The following LRCH1 variants were observed in gnomAD, a reference collection of about 807,000 sequenced individuals.
LRCH1 encodes leucine rich repeats and calponin homology domain containing 1.
Under a neutral mutation model 94.9 loss-of-function variants are expected in LRCH1, and 23 were observed. The ratio of observed to expected loss-of-function variants is 0.24; its 90% CI spans 0.17 to 0.34. The LOEUF (loss-of-function observed/expected upper bound fraction) is 0.34. Among genes scored for constraint, LRCH1 ranks in the 10% least tolerant of loss-of-function variants. LRCH1 has a pLI of 1.00. For missense variants in LRCH1, 790 were observed against 945.9 expected (o/e 0.84, Z 2.16); for synonymous variants, 364 against 354.9 (o/e 1.03, Z -0.29).
rs1161436162 is a variant in LRCH1, at chr13:46,715,574, C to A, written c.1669C>A (p.Leu557Ile). The A allele has an allele frequency of 2.0e-6, 3 of 1,536,870 alleles. No individual in the cohort carries two copies. Among genetic ancestry groups the A allele is most frequent in the Non-Finnish European group, 2.6e-6 (3 of 1,146,474 alleles). Residue 557 changes from leucine (L) to isoleucine (I), a missense_variant, in exon 16 of 20, where the codon CTT (leucine) becomes ATT (isoleucine). Physicochemically the swap from Leu to Ile is conservative, Grantham distance 5 (BLOSUM62 2). Around this residue, in one of 3 missense-constraint regions of LRCH1, gnomAD observed 460 missense variants for 508.9 expected, o/e 0.90. Transcript: ENST00000389797. Reference protein sequence around the residue: ...LKPRSDPALILPPISFNTLTQ... With the variant: ...LKPRSDPALIIPPISFNTLTQ... Reference sequence around the variant, plus strand: ...CTCCCCTGCAGACCCAGCCCTCATTCTTCCTCCTATCTCCTTCAACACACT... The same window carrying A: ...CTCCCCTGCAGACCCAGCCCTCATTATTCCTCCTATCTCCTTCAACACACT...
intron 2 of LRCH1, among the ~76,000 whole-genome samples, chr13:46,657,495 CTTTTCTTTTTTTTTTTTTTTTTTTTTT>C (rs2051387422): frequency 1.2e-4 from 2 of 16,814 alleles, no homozygotes; most frequent in Non-Finnish European, 1.2e-4. Flanking sequence ...TTTTTCTTTT[CTTTTCTTTTTTTTTTTTTTTTTTTTTT>C]TTTTTTTTTT....
chr13:46,650,452 T>C (rs1310602270), intron 2 of LRCH1, 107 bp downstream of exon 2: 1 of 899,032 alleles, frequency 1.1e-6, no homozygotes, highest in African/African-American at 1.7e-5. Flanking sequence ...GATTTTTCTT[T>C]GATGTAGGTC....
intron 10 of LRCH1, among the ~76,000 whole-genome samples, chr13:46,700,835 C>G (rs527822272): frequency 3.3e-5 from 5 of 152,340 alleles, no homozygotes; most frequent in African/African-American, 9.6e-5. Context: ...AGCCTCTCAT[C>G]TAGGCCATTG....
chr13:46,577,341 A>G (rs1327158854), intron 1 of LRCH1, among the ~76,000 whole-genome samples: 1 of 151,928 alleles, frequency 6.6e-6, no homozygotes, highest in Non-Finnish European at 1.5e-5. Flanking sequence ...CAAGTGATCC[A>G]CCCACCTCGG....
In LRCH1 at chr13:46,694,089, T is replaced by TGGG. The variant is rs1190513325; in HGVS notation, c.1121-804_1121-803insGGG. ...ATATAACTGCCACTTTATTAATTCA[T>TGGG]ATAAAGTTAGTAATATTATACACTG... On this transcript the variant is annotated intron_variant, in intron 8 of 19. Transcript: ENST00000389797. 2.6e-5 allele frequency among the ~76,000 whole-genome samples: 4 copies of TGGG among 152,236 alleles called. No homozygotes were observed. The East Asian group carries it at 5.8e-4, about 22-fold the overall frequency.
intron 1 of LRCH1, among the ~76,000 whole-genome samples, chr13:46,572,488 C>G (rs2050251486): frequency 6.6e-6 from 1 of 152,130 alleles, no homozygotes; most frequent in South Asian, 2.1e-4. Context: ...AGTTGGAGAA[C>G]AGAGTGATCT....
intron 11 of LRCH1, among the ~76,000 whole-genome samples, chr13:46,704,768 T>C (rs1566238733): frequency 1.3e-5 from 2 of 152,098 alleles, no homozygotes; most frequent in Non-Finnish European, 2.9e-5. Flanking sequence ...CATAAAGTTC[T>C]AAAATAAAAT....
intron 1 of LRCH1, among the ~76,000 whole-genome samples, chr13:46,647,071 C>T (rs1169716678): frequency 6.6e-6 from 1 of 150,412 alleles, no homozygotes; most frequent in Non-Finnish European, 1.5e-5. Flanking sequence ...TGAGATCACA[C>T]CACTGCACTC....
At chr13:46,620,288 C>G (rs755249826) in intron 1 of LRCH1, among the ~76,000 whole-genome samples, 3 of 151,442 alleles carry the variant, frequency 2.0e-5, no homozygotes, top group East Asian at 1.9e-4. Context: ...TCACTCGAGC[C>G]GAGGAGCTGG....
chr13:46,558,389 A>C (rs2050089706), intron 1 of LRCH1, among the ~76,000 whole-genome samples: 1 of 151,778 alleles, frequency 6.6e-6, no homozygotes, highest in Non-Finnish European at 1.5e-5. Context: ...TTTAGATAGA[A>C]GTGCCTATGA....
At position 46,743,802 on chromosome 13, in the gene LRCH1, TCATGTAA is replaced by T; in HGVS notation, c.*1955_*1961del. ...TATCAATAAAAACTGAGTAGGACAC[TCATGTAA>T]GAGTAGATTTAATTTTCAGTGTTGA... On this transcript the variant is annotated 3_prime_UTR_variant, in exon 20 of 20. Coordinates refer to ENST00000389797, the MANE Select transcript of LRCH1 (RefSeq NM_001164211.2). The T allele has an allele frequency of 1.0e-6, 1 of 983,934 alleles. No homozygotes were observed. Among genetic ancestry groups the T allele is most frequent in the Non-Finnish European group, 1.2e-6 (1 of 828,648 alleles). The allele number at this position is 983,934 out of a possible 1,614,324, so 61.0% of individuals were successfully genotyped here. A position where few individuals can be genotyped will look rare whatever the true frequency, so the allele number is the denominator to read the frequency against.
intron 1 of LRCH1, among the ~76,000 whole-genome samples, chr13:46,554,245 G>C (rs1566139085): frequency 6.6e-6 from 1 of 152,248 alleles, no homozygotes; most frequent in Non-Finnish European, 1.5e-5. Flanking sequence ...AGTGCCGCGA[G>C]CCCCCTCGGC....
At chr13:46,635,245 A>C (rs1489065166) in intron 1 of LRCH1, among the ~76,000 whole-genome samples, 4 of 152,154 alleles carry the variant, frequency 2.6e-5, no homozygotes, top group Non-Finnish European at 5.9e-5. Context: ...CAGTCTGTTC[A>C]CTGCTTCATA....
intron 1 of LRCH1, among the ~76,000 whole-genome samples, chr13:46,590,777 C>G (rs1380267374): frequency 6.6e-6 from 1 of 152,206 alleles, no homozygotes; most frequent in Admixed American, 6.5e-5. Context: ...GATGTTTTCT[C>G]AAATGGTGAA....
intron 3 of LRCH1, among the ~76,000 whole-genome samples, chr13:46,672,118 C>A (rs74892784): frequency 0.03 from 4,571 of 152,298 alleles, 139 homozygotes; most frequent in East Asian, 0.14. Context: ...TCCAGAATGT[C>A]ATGTAGTTGG....
chr13:46,574,805 A>G lies in LRCH1; in HGVS notation c.307+21102A>G, dbSNP rs536383440. On this transcript the variant is annotated intron_variant, in intron 1 of 19. Transcript: ENST00000389797. ...ACTTGTTTACTTTCGGTTGTCTGGC[A>G]TTTATTTGTGTGTGGGGTTTTTTTT... 2.4e-3 allele frequency among the ~76,000 whole-genome samples: 302 copies of G among 123,380 alleles called. 1 individual carries two copies. The highest frequency in any genetic ancestry group is 8.6e-3 in the African/African-American group (284 of 33,062). The allele number at this position is 123,380 out of a possible 152,430, so 80.9% of individuals were successfully genotyped here. A position where few individuals can be genotyped will look rare whatever the true frequency, so the allele number is the denominator to read the frequency against.
exon 19 of LRCH1, chr13:46,750,658 C>T: frequency 6.5e-7 from 1 of 1,533,170 alleles, no homozygotes. Context: ...TGAAACTACC[C>T]CTTCTCCATT....
intron 1 of LRCH1, among the ~76,000 whole-genome samples, chr13:46,577,165 C>T (rs547634099): frequency 3.3e-5 from 5 of 152,148 alleles, no homozygotes; most frequent in African/African-American, 7.2e-5. Context: ...GGTGCCATCT[C>T]GGCTCACTGC....
chr13:46,650,456 G>A (rs2051278248), intron 2 of LRCH1, 111 bp downstream of exon 2: 1 of 849,880 alleles, frequency 1.2e-6, no homozygotes, highest in Non-Finnish European at 1.8e-6. Context: ...TTTCTTTGAT[G>A]TAGGTCACAC....
Sources: gnomAD v4.1 joint callset for allele counts (sites outside exome capture counted in the v4.1 genomes callset) on GRCh38, gnomAD v4.1.1 for gene constraint, gnomAD v4.1.1 regional missense constraint, MANE v1.5 for transcripts, NCBI Gene and HGNC (gene_info 2026-07-23, HGNC 2026-07-21) for gene names.